The following VDAC2 variants were observed in gnomAD, a reference collection of about 807,000 sequenced individuals.
VDAC2 encodes voltage dependent anion channel 2.
VDAC2 carries 6 observed loss-of-function variants against 36.6 expected under a neutral mutation model. The ratio of observed to expected loss-of-function variants is 0.16; its 90% confidence interval spans 0.09 to 0.32. The LOEUF (loss-of-function observed/expected upper bound fraction) is 0.32. Ranked by LOEUF, VDAC2 falls within the 10% of genes least tolerant of loss-of-function variation. The pLI, the probability that VDAC2 is intolerant of heterozygous loss-of-function variation, is 1.00. For missense variants in VDAC2, 247 were observed against 346.0 expected (o/e 0.71, Z 2.27); for synonymous variants, 109 against 123.8 (o/e 0.88, Z 0.79).
At chr10:75,226,451 G>GTTTTTTTT (rs147954706) in intron 8 of VDAC2, among the ~76,000 whole-genome samples, 2 of 100,902 alleles carry the variant, frequency 2.0e-5, no homozygotes, top group African/African-American at 7.9e-5. Flanking sequence ...TCTTTTGTGG[G>GTTTTTTTT]TTTTTTTTTT....
At chr10:75,217,148 T>C (rs532806104) in intron 4 of VDAC2, among the ~76,000 whole-genome samples, 1 of 152,168 alleles carries the variant, frequency 6.6e-6, no homozygotes, top group East Asian at 1.9e-4. Context: ...TCCCAGCTAC[T>C]TGGGAGGCTG....
Position 75,219,375 on chromosome 10 carries a change from A to G in VDAC2, c.356+19A>G, listed in dbSNP as rs755361772. 4.6e-5 allele frequency: 72 copies of G among 1,566,826 alleles called. No homozygotes were observed. The highest frequency in any genetic ancestry group is 5.9e-5 in the Non-Finnish European group (68 of 1,147,276). On this transcript the variant is annotated intron_variant, in intron 6 of 9. Transcript: ENST00000332211. The stretch of plus-strand genomic sequence containing the variant: ...ACACAGGGTAAGCACAGACATTTTT[A>G]TCTGTATTACATTTAAAAGTATTTC...
intron 2 of VDAC2, chr10:75,211,739 T>C: frequency 6.7e-7 from 1 of 1,500,692 alleles, no homozygotes; most frequent in Non-Finnish European, 9.1e-7. Flanking sequence ...TTTCCAAGTT[T>C]CAATATTTAA....
intron 8 of VDAC2, 85 bp downstream of exon 8, chr10:75,222,487 C>A: frequency 6.5e-7 from 1 of 1,531,438 alleles, no homozygotes; most frequent in Admixed American, 2.0e-5. Flanking sequence ...AAAATTTGAA[C>A]TGATTTCACA....
chr10:75,226,743 C>G (rs914357980), intron 8 of VDAC2, among the ~76,000 whole-genome samples: 1 of 151,908 alleles, frequency 6.6e-6, no homozygotes, highest in Admixed American at 6.6e-5. Flanking sequence ...GTAACAGGAA[C>G]GAGCCACTGC....
intron 8 of VDAC2, among the ~76,000 whole-genome samples, chr10:75,228,169 C>T (rs1470581352): frequency 6.6e-6 from 1 of 152,176 alleles, no homozygotes; most frequent in South Asian, 2.1e-4. Flanking sequence ...GCTGGGATTA[C>T]AGGCGTGAGC....
intron 3 of VDAC2, among the ~76,000 whole-genome samples, chr10:75,213,093 T>C (rs1315707631): frequency 6.6e-6 from 1 of 152,164 alleles, no homozygotes; most frequent in Non-Finnish European, 1.5e-5. Flanking sequence ...TTTTGTTTTT[T>C]TTTGAGACGG....
At chr10:75,216,481 A>G (rs1467903658) in intron 4 of VDAC2, among the ~76,000 whole-genome samples, 2 of 152,224 alleles carry the variant, frequency 1.3e-5, no homozygotes, top group Admixed American at 1.3e-4. Flanking sequence ...CATGTAACTC[A>G]ACAACCATGG....
chr10:75,229,550 C>T (rs1386036476), intron 8 of VDAC2, 94 bp from the exon 9 acceptor site: 2 of 972,262 alleles, frequency 2.1e-6, no homozygotes, highest in Non-Finnish European at 3.1e-6. Flanking sequence ...GTGAATAAAA[C>T]TGAACACTTC....
rs1376861107 is a variant in VDAC2 at position 75,213,872 on chromosome 10, A to G, written c.101-149A>G. 7.0e-6 allele frequency: 5 copies of G among 710,036 alleles called. No individual in the cohort carries two copies. The African/African-American group carries it at 9.0e-5, about 13-fold the overall frequency. The allele number at this position is 710,036 out of a possible 1,614,324, so 44.0% of individuals were successfully genotyped here. ...CCAGTTTACAAAAGACGAATTTGTA[A>G]CAATTTCATTTAAATATTGTATATT... On this transcript the variant is annotated intron_variant, in intron 3 of 9. Coordinates refer to ENST00000332211, the MANE Select transcript of VDAC2 (RefSeq NM_001391963.1).
At chr10:75,222,153 C>G in intron 7 of VDAC2, 99 bp from the exon 8 acceptor site, 1 of 1,293,100 alleles carries the variant, frequency 7.7e-7, no homozygotes, top group African/African-American at 1.5e-5. Flanking sequence ...CCCACTTGAG[C>G]TGTGGTTTTT....
At chr10:75,211,639 G>T (rs1469782659) in intron 2 of VDAC2, 5 of 1,550,568 alleles carry the variant, frequency 3.2e-6, no homozygotes, top group South Asian at 1.2e-5. Flanking sequence ...AGCATTGGCC[G>T]AGGACTTGAG....
chr10:75,222,043 GAATGGAT>G (rs1483105978), intron 7 of VDAC2, among the ~76,000 whole-genome samples: 1 of 152,178 alleles, frequency 6.6e-6, no homozygotes, highest in Non-Finnish European at 1.5e-5. Flanking sequence ...TAATTCCACT[GAATGGAT>G]ATTCTGTGGT....
intron 9 of VDAC2, 48 bp from the exon 10 acceptor site, chr10:75,230,850 G>T: frequency 6.6e-7 from 1 of 1,523,948 alleles, no homozygotes; most frequent in South Asian, 1.2e-5. Flanking sequence ...TGAGTGACGT[G>T]CCAGGTACAT....
chr10:75,230,876 T>C, intron 9 of VDAC2, 22 bp from the exon 10 acceptor site: 6 of 1,605,984 alleles, frequency 3.7e-6, no homozygotes, highest in Non-Finnish European at 5.1e-6. Flanking sequence ...TTTTTTGTTT[T>C]TGTGTTTTTT....
chr10:75,222,897 C>T (rs2081406477), intron 8 of VDAC2, among the ~76,000 whole-genome samples: 3 of 151,894 alleles, frequency 2.0e-5, no homozygotes, highest in African/African-American at 7.3e-5. Context: ...AGCTATCATC[C>T]TGTCTCAGCC....
Position 75,220,748 on chromosome 10 carries a change from A to G in VDAC2, c.362A>G (p.Lys121Arg). The change falls in exon 7 of 10, where the codon AAA becomes AGA. Residue 121 changes from lysine (K) to arginine (R), a missense_variant. By Grantham distance (26) the Lys-to-Arg change is conservative. Coordinates refer to ENST00000332211, the MANE Select transcript of VDAC2 (RefSeq NM_001391963.1). Reference protein sequence around the residue: ...DTTFSPNTGKKSGKIKSSYKR... With the variant: ...DTTFSPNTGKRSGKIKSSYKR... ...TCAGTTTGTTCTTTTTCCAGAAAGAAAAGTGGTAAAATCAAGTCTTCTTAC... is the reference window on the plus strand; with the variant it reads ...TCAGTTTGTTCTTTTTCCAGAAAGAGAAGTGGTAAAATCAAGTCTTCTTAC... 1.2e-6 allele frequency: 2 copies of G among 1,608,420 alleles called. No homozygotes were observed. Among genetic ancestry groups the G allele is most frequent in the Non-Finnish European group, 1.7e-6 (2 of 1,176,444 alleles).
In VDAC2 at chr10:75,224,216, A is replaced by T. The variant is rs536190464; in HGVS notation, c.735+1814A>T. 3.9e-5 allele frequency among the ~76,000 whole-genome samples: 6 copies of T among 152,264 alleles called. No homozygotes were observed. In the East Asian group the frequency reaches 1.2e-3, roughly 29 times the overall value. On this transcript the variant is annotated intron_variant, in intron 8 of 9. Coordinates refer to ENST00000332211, the MANE Select transcript of VDAC2 (RefSeq NM_001391963.1). ...TGTGGCATCTGATGTCTCCAGGTAG[A>T]ATTAGAGGACATTTAGCCAGTGTCT...
chr10:75,226,829 G>A (rs1370284414), intron 8 of VDAC2, among the ~76,000 whole-genome samples: 1 of 152,142 alleles, frequency 6.6e-6, no homozygotes, highest in Non-Finnish European at 1.5e-5. Flanking sequence ...GTGATTTTTG[G>A]ATAGTCCCTA....
Sources: allele counts gnomAD v4.1 joint callset (sites outside exome capture counted in the v4.1 genomes callset), GRCh38; gene constraint gnomAD v4.1.1; transcripts MANE v1.5; gene names NCBI Gene and HGNC (gene_info 2026-07-23, HGNC 2026-07-21).